The following OTC variants were observed in gnomAD, a reference collection of about 807,000 sequenced individuals.
OTC encodes ornithine transcarbamylase, mitochondrial.
OTC carries 3 observed loss-of-function variants against 30.3 expected under a neutral mutation model. The observed-to-expected ratio is 0.10, with a 90% confidence interval of 0.05 to 0.26. The LOEUF is 0.26. OTC is among the 10% of genes least tolerant of loss of function. The pLI is 1.00. For synonymous variants in OTC, 111 were observed against 99.7 expected, an observed-to-expected ratio of 1.11 and a Z score of -0.67; for missense variants, 194 against 260.3, an observed-to-expected ratio of 0.75 and a Z score of 1.75.
chrX:38,356,074 AAT>A, intron 1 of OTC, among the ~76,000 whole-genome samples: 1 of 100,426 alleles, frequency 1.0e-5, no homozygotes, highest in African/African-American at 3.6e-5. Flanking sequence ...AAAAAAAAAA[AAT>A]CACTTCACTT....
intron 4 of OTC, among the ~76,000 whole-genome samples, chrX:38,394,206 T>A (rs2068443437): frequency 8.9e-6 from 1 of 112,791 alleles, no homozygotes; most frequent in Non-Finnish European, 1.9e-5. Context: ...TGCATACACA[T>A]ATACACAATG....
chrX:38,356,676 T>TG (rs1471350325), intron 1 of OTC, among the ~76,000 whole-genome samples: 1 of 110,292 alleles, frequency 9.1e-6, no homozygotes, highest in Non-Finnish European at 1.9e-5. Context: ...CAGGGGAGTG[T>TG]GGGGAAAGGG....
chrX:38,358,133 C>A (rs1468558465), intron 1 of OTC, among the ~76,000 whole-genome samples: 1 of 111,080 alleles, frequency 9.0e-6, no homozygotes, highest in Non-Finnish European at 1.9e-5. Context: ...GCTTGTGAAC[C>A]AGAGCAGGCT....
chrX:38,417,918 A>C (rs2068577370), intron 9 of OTC, among the ~76,000 whole-genome samples: 1 of 112,087 alleles, frequency 8.9e-6, no homozygotes, highest in Non-Finnish European at 1.9e-5. Flanking sequence ...TCCATATCTT[A>C]GCTATTGTAA....
At chrX:38,330,728 A>G in the OTC span, among the ~76,000 whole-genome samples, 1 of 111,662 alleles carries the variant, frequency 9.0e-6, no homozygotes, top group South Asian at 3.8e-4. Context: ...CCCCCTAGCA[A>G]TCTCTGCTTC....
intron 4 of OTC, among the ~76,000 whole-genome samples, chrX:38,386,722 T>A (rs1038095127): frequency 4.4e-5 from 5 of 112,538 alleles, no homozygotes; most frequent in Non-Finnish European, 9.4e-5. Flanking sequence ...ACTTAGGTTG[T>A]TTCCACTTAT....
intron 6 of OTC, among the ~76,000 whole-genome samples, chrX:38,408,364 C>T (rs1041674024): frequency 8.9e-6 from 1 of 111,876 alleles, no homozygotes; most frequent in Non-Finnish European, 1.9e-5. Context: ...GAAAGAATTT[C>T]AGACAAGAAA....
chrX:38,330,120 A>C, the OTC span, among the ~76,000 whole-genome samples: 706 of 112,177 alleles, frequency 6.3e-3, 6 homozygotes, highest in Middle Eastern at 0.041. Flanking sequence ...GAGCCTTTCC[A>C]GGCTGTGGTC....
chrX:38,335,265 T>C, the OTC span, among the ~76,000 whole-genome samples: 1 of 112,611 alleles, frequency 8.9e-6, no homozygotes, highest in African/African-American at 3.2e-5. Flanking sequence ...TAAATCAGGA[T>C]AACACCTCCT....
chrX:38,328,478 A>C, the OTC span, among the ~76,000 whole-genome samples: 1 of 112,476 alleles, frequency 8.9e-6, no homozygotes, highest in Non-Finnish European at 1.9e-5. Context: ...ATCTGAAGAA[A>C]GAACATTAAA....
At chrX:38,393,571 G>A (rs2068439552) in intron 4 of OTC, among the ~76,000 whole-genome samples, 2 of 111,725 alleles carry the variant, frequency 1.8e-5, no homozygotes, top group African/African-American at 6.5e-5. Flanking sequence ...GGAAGTCAGG[G>A]ATACAGGTTA....
chrX:38,384,346 C>G (rs896855582), intron 4 of OTC, among the ~76,000 whole-genome samples: 1 of 111,481 alleles, frequency 9.0e-6, no homozygotes, highest in Non-Finnish European at 1.9e-5. Flanking sequence ...AGTAGAGTAG[C>G]TATTGTAGAA....
intron 9 of OTC, 78 bp downstream of exon 9, chrX:38,412,077 T>C: frequency 1.4e-5 from 14 of 1,018,534 alleles, no homozygotes; most frequent in Non-Finnish European, 1.7e-5. Flanking sequence ...GGGGAAATAA[T>C]AAGCAAGTGA....
At chrX:38,416,891 A>G (rs775164852) in intron 9 of OTC, among the ~76,000 whole-genome samples, 1 of 111,934 alleles carries the variant, frequency 8.9e-6, no homozygotes, top group Non-Finnish European at 1.9e-5. Context: ...CCAGGAACCC[A>G]TTAAGAAGTT....
chrX:38,332,354 C>T, the OTC span, among the ~76,000 whole-genome samples: 1 of 104,296 alleles, frequency 9.6e-6, no homozygotes, highest in African/African-American at 3.5e-5. Flanking sequence ...GTGCTTGAAT[C>T]ATCCCAAAAA....
chrX:38,369,514 ATTT>A lies in OTC; in HGVS notation c.217-267_217-265del, dbSNP rs11313102. On this transcript the variant is annotated intron_variant, in intron 2 of 9. Coordinates refer to ENST00000039007, the MANE Select transcript of OTC (RefSeq NM_000531.6). ...AGGCACCCACCACCACTCCAGGCTA[ATTT>A]TTTTTTTTTTTTTTGGTATTTTGAG... is the stretch of plus-strand genomic sequence containing the variant. Among the ~76,000 whole-genome samples the A allele has an allele frequency of 6.4e-3, 588 of 92,215 alleles. 5 individuals are homozygous for A. The highest frequency in any genetic ancestry group is 0.016 in the Middle Eastern group (3 of 182). The allele number at this position is 92,215 out of a possible 115,157, so 80.1% of individuals were successfully genotyped here. A position where few individuals can be genotyped will look rare whatever the true frequency, so the allele number is the denominator to read the frequency against.
chrX:38,338,221 G>A, the OTC span, among the ~76,000 whole-genome samples: 1 of 112,185 alleles, frequency 8.9e-6, no homozygotes, highest in Non-Finnish European at 1.9e-5. Flanking sequence ...CAGATCTGCT[G>A]AGGCAAATGA....
At chrX:38,349,279 A>C (rs758957866), upstream of OTC, among the ~76,000 whole-genome samples, 7 of 112,191 alleles carry the variant, frequency 6.2e-5, no homozygotes, top group Non-Finnish European at 1.1e-4. Context: ...GTTCAATTCC[A>C]CTGGGGACCT....
chrX:38,406,777 A>G (rs2068517819), intron 6 of OTC, among the ~76,000 whole-genome samples: 1 of 112,100 alleles, frequency 8.9e-6, no homozygotes, highest in South Asian at 3.7e-4. Context: ...TTTATTAATT[A>G]CTTTCCCCAA....
Sources: gnomAD v4.1 joint callset for allele counts (sites outside exome capture counted in the v4.1 genomes callset) on GRCh38, gnomAD v4.1.1 for gene constraint, MANE v1.5 for transcripts, NCBI Gene and HGNC (gene_info 2026-07-23, HGNC 2026-07-21) for gene names.